Variants in USP33 observed in about 807,000 individuals in gnomAD.
USP33 encodes the protein ubiquitin carboxyl-terminal hydrolase 33.
Under a neutral mutation model 124.2 loss-of-function variants are expected in USP33, and 46 were observed. The ratio of observed to expected loss-of-function variants is 0.37; its 90% confidence interval spans 0.29 to 0.47. USP33 has a LOEUF of 0.47. Ranked by LOEUF, USP33 falls within the 20% of genes least tolerant of loss-of-function variation. The pLI is 0.99. For missense variants in USP33, 851 were observed against 1,070.6 expected, an observed-to-expected ratio of 0.79 and a Z score of 2.86; for synonymous variants, 350 against 352.3, an observed-to-expected ratio of 0.99 and a Z score of 0.07.
Position 77,701,455 on chromosome 1 carries a change from T to A in USP33, c.2423A>T (p.Gln808Leu). Residue 808 changes from glutamine to leucine, a missense_variant, in exon 22 of 24, where the codon CAA becomes CTA. Gln to Leu is a moderately radical substitution (Grantham distance 113). Transcript: ENST00000370794. ...EIFIRLNRAF[Q>L]KEDSPATFYC... is the part of the protein sequence containing the mutation. ...AAAAGTAGCTGGAGAGTCCTCTTTT[T>A]GGAACGCTCTGTTAAGCTACAAGGG... The A allele has an allele frequency of 6.2e-7, 1 of 1,612,672 alleles. No individual in the cohort carries two copies. Among genetic ancestry groups the A allele is most frequent in the Non-Finnish European group, 8.5e-7 (1 of 1,179,698 alleles).
In USP33 at chr1:77,722,182, G is replaced by A. The variant is rs145450422; in HGVS notation, c.1404C>T (p.Leu468=). 100 of 1,611,512 alleles carry A rather than the reference G, an allele frequency of 6.2e-5. 1 individual carries two copies. The highest frequency in any genetic ancestry group is 3.3e-4 in the Middle Eastern group (2 of 6,076). The part of the protein sequence containing the change: ...CLTCDRVSVT[L]ETFQDLSLPI... The stretch of plus-strand genomic sequence containing the variant: ...GCAAGGACAGATCTTGAAAGGTCTC[G>A]AGGGTTACAGACACCTAAAATTGTT... Residue 468 remains leucine (L), a synonymous_variant, in exon 13 of 24, where the codon CTC becomes CTT. Transcript: ENST00000370794.
intron 1 of USP33, among the ~76,000 whole-genome samples, chr1:77,752,481 G>A (rs1680429375): frequency 6.6e-6 from 1 of 152,070 alleles, no homozygotes; most frequent in Non-Finnish European, 1.5e-5. Context: ...GGTAACCTAA[G>A]GAGCTTTTAA....
chr1:77,696,490 T>C lies in USP33; in HGVS notation c.*827A>G, dbSNP rs1222563707. 2 of 152,674 alleles carry C rather than the reference T, an allele frequency of 1.3e-5. No individual in the cohort carries two copies. Among genetic ancestry groups the C allele is most frequent in the Non-Finnish European group, 2.9e-5 (2 of 68,044 alleles). 9.5% of individuals were successfully genotyped at this position (152,674 alleles called of 1,614,324 possible). A position where few individuals can be genotyped will look rare whatever the true frequency, so the allele number is the denominator to read the frequency against. ...ATTTTAATAAGCTAGTTAGTGTATA[T>C]GCTGCAGTGCAAAAAAAGTGACACC... On this transcript the variant is annotated 3_prime_UTR_variant, in exon 24 of 24. Coordinates refer to ENST00000370794, the MANE Select transcript of USP33 (RefSeq NM_201624.3).
intron 1 of USP33, among the ~76,000 whole-genome samples, chr1:77,756,944 CTCT>C (rs1680853318): frequency 6.6e-6 from 1 of 152,212 alleles, no homozygotes; most frequent in South Asian, 2.1e-4. Context: ...GATCACATAC[CTCT>C]TCTGATCAAA....
chr1:77,729,670 C>CA (rs1485763579), intron 9 of USP33, among the ~76,000 whole-genome samples, 190 bp downstream of exon 9: 1 of 148,102 alleles, frequency 6.8e-6, no homozygotes, highest in African/African-American at 2.5e-5. Context: ...GACTCTGCCT[C>CA]AAAAAAAAGA....
chr1:77,719,094 C>T (rs1342120823), intron 15 of USP33, among the ~76,000 whole-genome samples: 7 of 152,206 alleles, frequency 4.6e-5, no homozygotes, highest in Non-Finnish European at 8.8e-5. Flanking sequence ...GGCGCAGTGG[C>T]TCACGCCTGT....
At chr1:77,733,517 T>C (rs1040754538) in intron 7 of USP33, among the ~76,000 whole-genome samples, 1 of 152,192 alleles carries the variant, frequency 6.6e-6, no homozygotes, top group African/African-American at 2.4e-5. Flanking sequence ...AAAATATTTA[T>C]GGAGGGTTAT....
intron 1 of USP33, among the ~76,000 whole-genome samples, chr1:77,743,612 C>T (rs1211059961): frequency 6.6e-6 from 1 of 152,054 alleles, no homozygotes; most frequent in Non-Finnish European, 1.5e-5. Context: ...GTAGCTACAA[C>T]TACAGGTGCA....
chr1:77,725,481 C>T (rs1677059126), intron 11 of USP33, 141 bp downstream of exon 11: 1 of 1,245,796 alleles, frequency 8.0e-7, no homozygotes, highest in Non-Finnish European at 1.1e-6. Context: ...AATTTTTAAT[C>T]ATGTCTATGT....
Position 77,738,331 on chromosome 1 carries a change from C to T in USP33, c.351+934G>A, listed in dbSNP as rs1022745803. On this transcript the variant is annotated intron_variant, in intron 5 of 23. Coordinates refer to ENST00000370794, the MANE Select transcript of USP33 (RefSeq NM_201624.3). ...TCAAATCTGATCAAATTCTGATCAA[C>T]TGATGATCTGATTAAGAAGCCAACT... Among the ~76,000 whole-genome samples, 9 of 152,272 alleles carry T rather than the reference C, an allele frequency of 5.9e-5. No homozygotes were observed. In the East Asian group the frequency reaches 1.7e-3, roughly 29 times the overall value.
At chr1:77,718,498 C>A in intron 16 of USP33, 98 bp downstream of exon 16, 1 of 1,009,960 alleles carries the variant, frequency 9.9e-7, no homozygotes, top group South Asian at 1.4e-5. Context: ...TCATTCAATT[C>A]TTCAACCAAG....
intron 1 of USP33, among the ~76,000 whole-genome samples, chr1:77,747,115 C>T (rs1679819502): frequency 6.6e-6 from 1 of 151,932 alleles, no homozygotes; most frequent in African/African-American, 2.4e-5. Flanking sequence ...ACCTACCTAC[C>T]TTTTTAATTG....
intron 5 of USP33, among the ~76,000 whole-genome samples, chr1:77,736,933 G>T (rs2101526302): frequency 6.6e-6 from 1 of 151,974 alleles, no homozygotes; most frequent in Non-Finnish European, 1.5e-5. Flanking sequence ...ATATTAAATA[G>T]TTCAAGCACT....
intron 5 of USP33, 22 bp downstream of exon 5, chr1:77,739,239 TTAAC>T: frequency 1.9e-6 from 3 of 1,587,978 alleles, no homozygotes; most frequent in Non-Finnish European, 2.6e-6. Context: ...GTTTTACAGC[TTAAC>T]TAAGTGGATC....
chr1:77,724,742 A>G (rs1339852172), intron 11 of USP33, among the ~76,000 whole-genome samples: 1 of 152,196 alleles, frequency 6.6e-6, no homozygotes, highest in African/African-American at 2.4e-5. Context: ...GTAGGTAAAT[A>G]AACAGTGGTA....
Position 77,697,778 on chromosome 1 carries a change from A to C in USP33, c.2578+85T>G, listed in dbSNP as rs377163751. 2.4e-5 allele frequency: 32 copies of C among 1,319,066 alleles called. No individual in the cohort carries two copies. The East Asian group carries it at 6.1e-4, about 25-fold the overall frequency. The allele number at this position is 1,319,066 out of a possible 1,614,324, so 81.7% of individuals were successfully genotyped here. A position where few individuals can be genotyped will look rare whatever the true frequency, so the allele number is the denominator to read the frequency against. Reference sequence around the variant, plus strand: ...GATTACATTCTTCAGTTGAATAAAAAAGTACTATAGATGACTAATGATAAC... The same window carrying C: ...GATTACATTCTTCAGTTGAATAAAACAGTACTATAGATGACTAATGATAAC... On this transcript the variant is annotated intron_variant, in intron 23 of 23. Coordinates refer to ENST00000370794, the MANE Select transcript of USP33 (RefSeq NM_201624.3).
intron 22 of USP33, among the ~76,000 whole-genome samples, chr1:77,698,339 C>G (rs1557804525): frequency 6.6e-6 from 1 of 151,344 alleles, no homozygotes; most frequent in African/African-American, 2.4e-5. Flanking sequence ...TCCCAAAGTG[C>G]TGGGATTACA....
chr1:77,749,623 C>A (rs1448742396), intron 1 of USP33, among the ~76,000 whole-genome samples: 4 of 152,114 alleles, frequency 2.6e-5, no homozygotes, highest in African/African-American at 9.7e-5. Flanking sequence ...CTCAGGTGAT[C>A]CACTCTCCTC....
chr1:77,743,371 A>C (rs1446897496), intron 1 of USP33, among the ~76,000 whole-genome samples: 1 of 152,166 alleles, frequency 6.6e-6, no homozygotes, highest in African/African-American at 2.4e-5. Flanking sequence ...GTGTAAATAC[A>C]TTTTTTTAAG....
Sources: allele counts gnomAD v4.1 joint callset (sites outside exome capture counted in the v4.1 genomes callset), GRCh38; gene constraint gnomAD v4.1.1; transcripts MANE v1.5; gene names NCBI Gene and HGNC (gene_info 2026-07-23, HGNC 2026-07-21).